Variants in C10orf90 observed in about 807,000 individuals in gnomAD.
The protein encoded by C10orf90 is chromosome 10 open reading frame 90.
A neutral mutation model predicts 62.5 loss-of-function variants in C10orf90; 56 were observed. The ratio of observed to expected loss-of-function variants is 0.90; its 90% CI spans 0.72 to 1.12. The LOEUF (loss-of-function observed/expected upper bound fraction) is 1.12. Ranked by LOEUF, C10orf90 falls within the 50% of genes most tolerant of loss-of-function variation. The probability of loss-of-function intolerance (pLI) is 0.00; values close to 1 mark genes in which losing one functional copy is unlikely to be tolerated. For synonymous variants in C10orf90, 386 were observed against 340.4 expected, an observed-to-expected ratio of 1.13 and a Z score of -1.47; for missense variants, 970 against 880.4, an observed-to-expected ratio of 1.10 and a Z score of -1.29.
chr10:126,476,137 G>A (rs1050681505), intron 4 of C10orf90, among the ~76,000 whole-genome samples: 9 of 152,166 alleles, frequency 5.9e-5, no homozygotes, highest in African/African-American at 2.2e-4. Context: ...TCCATGTCAG[G>A]AAAGGAAGTG....
chr10:126,621,827 C>T (rs1313670833), intron 2 of C10orf90, among the ~76,000 whole-genome samples: 2 of 152,178 alleles, frequency 1.3e-5, no homozygotes, highest in Non-Finnish European at 2.9e-5. Context: ...TTTGCTTTAA[C>T]TCATCAATAT....
chr10:126,644,686 C>T (rs953411660), intron 2 of C10orf90, among the ~76,000 whole-genome samples: 1 of 152,212 alleles, frequency 6.6e-6, no homozygotes, highest in Non-Finnish European at 1.5e-5. Flanking sequence ...GTGCTCAGCC[C>T]CTCTCCAGTA....
At chr10:126,559,718 C>T (rs938931251) in intron 2 of C10orf90, among the ~76,000 whole-genome samples, 1 of 152,166 alleles carries the variant, frequency 6.6e-6, no homozygotes, top group African/African-American at 2.4e-5. Context: ...ATTTAAAAAA[C>T]CAACCAAGAA....
chr10:126,570,288 C>T (rs535321916), intron 2 of C10orf90, among the ~76,000 whole-genome samples: 1 of 152,332 alleles, frequency 6.6e-6, no homozygotes, highest in South Asian at 2.1e-4. Flanking sequence ...TGTGCATTTT[C>T]AACAGTGCTG....
At chr10:126,573,405 G>A (rs948206179) in intron 2 of C10orf90, among the ~76,000 whole-genome samples, 34 of 152,180 alleles carry the variant, frequency 2.2e-4, no homozygotes, top group African/African-American at 7.7e-4. Context: ...TTTCATTTCT[G>A]CCTTTTAGTT....
chr10:126,579,705 C>T (rs1353180583), intron 2 of C10orf90, among the ~76,000 whole-genome samples: 1 of 151,738 alleles, frequency 6.6e-6, no homozygotes, highest in Non-Finnish European at 1.5e-5. Flanking sequence ...TGAAATCTAC[C>T]ATCACTTTCT....
chr10:126,589,724 A>C (rs1277212552), intron 2 of C10orf90, among the ~76,000 whole-genome samples: 2 of 152,238 alleles, frequency 1.3e-5, no homozygotes, highest in Non-Finnish European at 2.9e-5. Flanking sequence ...TATGGAAAGG[A>C]AAAACCATTA....
rs529872549 is a variant in C10orf90 at position 126,475,400 on chromosome 10, G to A, written c.1535-10414C>T. Among the ~76,000 whole-genome samples, 15 of 152,232 alleles carry A rather than the reference G, an allele frequency of 9.9e-5. No individual in the cohort carries two copies. The South Asian group carries it at 2.9e-3, about 30-fold the overall frequency. On this transcript the variant is annotated intron_variant, in intron 4 of 9. Coordinates refer to ENST00000488181, the MANE Select transcript of C10orf90 (RefSeq NM_001350921.2). ...AGCAGATCTTGATGTTCCTAATCTT[G>A]ACTTTCCTACATTTTAGAATATCCC... is the stretch of plus-strand genomic sequence containing the variant.
intron 4 of C10orf90, among the ~76,000 whole-genome samples, chr10:126,492,037 T>C (rs1459035505): frequency 1.3e-5 from 2 of 152,156 alleles, no homozygotes; most frequent in African/African-American, 4.8e-5. Flanking sequence ...GATGCCTAAA[T>C]GCAAGATGGC....
intron 2 of C10orf90, among the ~76,000 whole-genome samples, chr10:126,536,644 C>T (rs1442034401): frequency 6.6e-6 from 1 of 152,210 alleles, no homozygotes. Flanking sequence ...GTGCTCTCCA[C>T]ACCAAGACTG....
intron 4 of C10orf90, among the ~76,000 whole-genome samples, chr10:126,470,381 A>G (rs549821581): frequency 6.6e-6 from 1 of 152,344 alleles, no homozygotes; most frequent in Admixed American, 6.5e-5. Context: ...AACCACCTCC[A>G]ATTACAATAT....
At chr10:126,583,677 C>T (rs546539175) in intron 2 of C10orf90, among the ~76,000 whole-genome samples, 32 of 152,328 alleles carry the variant, frequency 2.1e-4, no homozygotes, top group African/African-American at 7.7e-4. Flanking sequence ...CACCTTGCCA[C>T]AGCTGTCCGG....
At chr10:126,572,987 A>G (rs1844537885) in intron 2 of C10orf90, among the ~76,000 whole-genome samples, 1 of 152,112 alleles carries the variant, frequency 6.6e-6, no homozygotes, top group East Asian at 1.9e-4. Context: ...TTATTCCTTT[A>G]CTTTTCTAAT....
At chr10:126,563,955 C>G (rs1222707977) in intron 2 of C10orf90, among the ~76,000 whole-genome samples, 1 of 152,176 alleles carries the variant, frequency 6.6e-6, no homozygotes, top group African/African-American at 2.4e-5. Flanking sequence ...GGGGCCAGAG[C>G]AGTCTCTGCA....
rs926989500 is a variant in C10orf90, at chr10:126,453,601, A to G, written c.2188+5439T>C. On this transcript the variant is annotated intron_variant, in intron 7 of 9. Transcript: ENST00000488181. The surrounding 1 kb of genome is among the most constrained non-coding windows in gnomAD (Gnocchi z 4.9). Reference sequence around the variant, plus strand: ...TCCTCAGAGGGGGAAATGAGCTGAGAACAGAAGGGGGCAACGTGGGCTGAG... The same window carrying G: ...TCCTCAGAGGGGGAAATGAGCTGAGGACAGAAGGGGGCAACGTGGGCTGAG... Among the ~76,000 whole-genome samples, 2 of 152,158 alleles carry G rather than the reference A, an allele frequency of 1.3e-5. No individual in the cohort carries two copies. The highest frequency in any genetic ancestry group is 4.8e-5 in the African/African-American group (2 of 41,422).
chr10:126,498,558 A>T (rs1181640301), intron 4 of C10orf90, among the ~76,000 whole-genome samples: 1 of 152,124 alleles, frequency 6.6e-6, no homozygotes, highest in African/African-American at 2.4e-5. Flanking sequence ...ACGCAGACTG[A>T]ATGGCAGAAT....
At chr10:126,563,347 T>C (rs1377892199) in intron 2 of C10orf90, among the ~76,000 whole-genome samples, 1 of 152,022 alleles carries the variant, frequency 6.6e-6, no homozygotes, top group African/African-American at 2.4e-5. Flanking sequence ...TGCAGTGAAA[T>C]AGATCCTGGG....
chr10:126,497,657 G>T (rs1862137430), intron 4 of C10orf90, among the ~76,000 whole-genome samples: 1 of 152,220 alleles, frequency 6.6e-6, no homozygotes, highest in South Asian at 2.1e-4. Flanking sequence ...CACCCAGAGG[G>T]TCTGCCCTGG....
At position 126,459,054 on chromosome 10, in the gene C10orf90, G is replaced by A; in HGVS notation, c.2174C>T (p.Pro725Leu). ...CTGCAGCTTACCACTCAGAGGATGGGGAATCGTGAACTGCTTCTTGCTGGT... is the reference window on the plus strand; with the variant it reads ...CTGCAGCTTACCACTCAGAGGATGGAGAATCGTGAACTGCTTCTTGCTGGT... Reference protein sequence around the residue: ...IRTSKKQFTIPHPLSDNLFKP... With the variant: ...IRTSKKQFTILHPLSDNLFKP... The change falls in exon 7 of 10, where the codon CCC (proline) becomes CTC (leucine). Residue 725 changes from proline to leucine, a missense_variant. Pro to Leu is a moderately conservative substitution (Grantham distance 98, BLOSUM62 -3). Transcript: ENST00000488181. The A allele has an allele frequency of 6.2e-7, 1 of 1,612,570 alleles. No individual in the cohort carries two copies. Among genetic ancestry groups the A allele is most frequent in the Non-Finnish European group, 8.5e-7 (1 of 1,179,752 alleles).
Sources: allele counts gnomAD v4.1 joint callset (sites outside exome capture counted in the v4.1 genomes callset), GRCh38; gene constraint gnomAD v4.1.1; non-coding constraint Gnocchi (gnomAD v3.1); transcripts MANE v1.5; gene names NCBI Gene and HGNC (gene_info 2026-07-23, HGNC 2026-07-21).